The following SLC44A5 variants were observed in gnomAD, a reference collection of about 807,000 sequenced individuals.
SLC44A5 encodes the protein choline transporter-like protein 5.
SLC44A5 carries 57 observed loss-of-function variants against 101.8 expected under a neutral mutation model. That is an observed-to-expected ratio of 0.56 (90% CI 0.45 to 0.70). SLC44A5 has a LOEUF of 0.70. Among genes scored for constraint, SLC44A5 ranks in the 30% least tolerant of loss-of-function variants. The pLI, the probability that SLC44A5 is intolerant of heterozygous loss-of-function variation, is 0.00. For synonymous variants in SLC44A5, 281 were observed against 290.9 expected (o/e 0.97, Z 0.35); for missense variants, 737 against 853.1 (o/e 0.86, Z 1.70).
intron 2 of SLC44A5, among the ~76,000 whole-genome samples, chr1:75,528,757 C>T (rs1253673820): frequency 6.6e-6 from 1 of 152,148 alleles, no homozygotes; most frequent in Non-Finnish European, 1.5e-5. Context: ...ACTTTTCTTT[C>T]TTCATTTCTA....
chr1:75,312,184 G>A (rs1490053661), intron 4 of SLC44A5, among the ~76,000 whole-genome samples: 1 of 152,090 alleles, frequency 6.6e-6, no homozygotes, highest in Non-Finnish European at 1.5e-5. Context: ...TGTAAGATGT[G>A]ACTTACTCCT....
chr1:75,671,644 C>G, the SLC44A5 span, among the ~76,000 whole-genome samples: 1 of 152,132 alleles, frequency 6.6e-6, no homozygotes, highest in Admixed American at 6.6e-5. Flanking sequence ...CTGGATCACT[C>G]GCTTTAAAAA....
the SLC44A5 span, among the ~76,000 whole-genome samples, chr1:75,700,354 A>C: frequency 6.6e-6 from 1 of 151,822 alleles, no homozygotes; most frequent in Non-Finnish European, 1.5e-5. Context: ...TAAGAAACTC[A>C]CTCAAAACCG....
Position 75,327,605 on chromosome 1 carries a change from A to T in SLC44A5, c.101+11977T>A, listed in dbSNP as rs547565465. On this transcript the variant is annotated intron_variant, in intron 4 of 23. Coordinates refer to ENST00000370859, the MANE Select transcript of SLC44A5 (RefSeq NM_001130058.2). ...CCAAAATAGAGAGGCATCTCAAGTA[A>T]CGCTTAGCTGACAGGTGCATACACT... 2.4e-4 allele frequency among the ~76,000 whole-genome samples: 36 copies of T among 152,308 alleles called. No individual in the cohort carries two copies. The South Asian group carries it at 7.5e-3, about 32-fold the overall frequency.
At chr1:75,540,741 G>T (rs749089798) in intron 2 of SLC44A5, among the ~76,000 whole-genome samples, 7 of 151,636 alleles carry the variant, frequency 4.6e-5, no homozygotes, top group African/African-American at 7.3e-5. Context: ...CCTTCACGAA[G>T]GAATACAATT....
rs552674877 is a variant in SLC44A5, at chr1:75,595,590, A to G, written c.-70+15450T>C. On this transcript the variant is annotated intron_variant, in intron 1 of 23. Transcript: ENST00000370859. Reference sequence around the variant, plus strand: ...GCATGATCTGAAAATTCTTACTACTACAGAAAGAAGCAATATCCACTCTGA... The same window carrying G: ...GCATGATCTGAAAATTCTTACTACTGCAGAAAGAAGCAATATCCACTCTGA... Among the ~76,000 whole-genome samples the G allele has an allele frequency of 1.7e-4, 26 of 152,288 alleles. No homozygotes were observed. In the South Asian group the frequency reaches 3.9e-3, roughly 23 times the overall value.
chr1:75,447,659 G>A (rs1665666286), intron 2 of SLC44A5, among the ~76,000 whole-genome samples: 1 of 152,046 alleles, frequency 6.6e-6, no homozygotes, highest in Non-Finnish European at 1.5e-5. Flanking sequence ...ATGATTTCTA[G>A]AGGCTCTCAT....
intron 3 of SLC44A5, among the ~76,000 whole-genome samples, chr1:75,388,895 A>T (rs1030185004): frequency 6.6e-6 from 1 of 152,128 alleles, no homozygotes; most frequent in Non-Finnish European, 1.5e-5. Flanking sequence ...TAAAAAAAAG[A>T]CCCAACCTTT....
chr1:75,573,198 T>C (rs1398366188), intron 1 of SLC44A5, among the ~76,000 whole-genome samples: 6 of 114,438 alleles, frequency 5.2e-5, no homozygotes, highest in Non-Finnish European at 1.1e-4. Flanking sequence ...TAATGATACA[T>C]ATTAATTAGA....
chr1:75,465,247 T>C (rs1264512506), intron 2 of SLC44A5, among the ~76,000 whole-genome samples: 2 of 152,126 alleles, frequency 1.3e-5, no homozygotes, highest in African/African-American at 2.4e-5. Flanking sequence ...TTGGAAACTA[T>C]ACAAATGCAT....
chr1:75,696,330 A>C, the SLC44A5 span, among the ~76,000 whole-genome samples: 2 of 152,322 alleles, frequency 1.3e-5, no homozygotes, highest in African/African-American at 4.8e-5. Flanking sequence ...CCTAAGGAGT[A>C]AGAAAGTACA....
chr1:75,283,373 G>C (rs549428066), intron 5 of SLC44A5, among the ~76,000 whole-genome samples: 1 of 152,142 alleles, frequency 6.6e-6, no homozygotes, highest in South Asian at 2.1e-4. Context: ...TGATTTGTTT[G>C]AGTTTTTTGT....
chr1:75,243,354 C>T (rs909207524), intron 7 of SLC44A5, among the ~76,000 whole-genome samples: 2 of 151,858 alleles, frequency 1.3e-5, no homozygotes, highest in African/African-American at 4.8e-5. Context: ...CCAGGCTGGT[C>T]TCAAACTCCT....
chr1:75,434,972 G>T (rs183621353), intron 2 of SLC44A5, among the ~76,000 whole-genome samples: 35 of 152,180 alleles, frequency 2.3e-4, no homozygotes, highest in African/African-American at 8.2e-4. Flanking sequence ...ATGGATACGT[G>T]TTTCCTTAAC....
At chr1:75,522,183 T>C (rs78047966) in intron 2 of SLC44A5, 1 of 152,166 alleles carries the variant, frequency 6.6e-6, no homozygotes, top group Non-Finnish European at 1.5e-5. Context: ...AGGAGGATGC[T>C]TGTGACTTTA....
At chr1:75,244,160 C>T (rs1648903951) in intron 7 of SLC44A5, among the ~76,000 whole-genome samples, 1 of 151,990 alleles carries the variant, frequency 6.6e-6, no homozygotes. Flanking sequence ...TCAGGTATTC[C>T]TTTTGTAGCA....
chr1:75,490,068 A>G (rs1264641403), intron 2 of SLC44A5, among the ~76,000 whole-genome samples: 1 of 152,112 alleles, frequency 6.6e-6, no homozygotes, highest in Non-Finnish European at 1.5e-5. Flanking sequence ...AAGTTAATAA[A>G]ACATCAGAAA....
At chr1:75,433,659 A>C (rs2101603456) in intron 2 of SLC44A5, among the ~76,000 whole-genome samples, 3 of 152,150 alleles carry the variant, frequency 2.0e-5, no homozygotes, top group Middle Eastern at 6.8e-3. Context: ...TGTCTTTCTA[A>C]ATTCCTTTTG....
intron 6 of SLC44A5, among the ~76,000 whole-genome samples, chr1:75,267,270 G>C (rs527637225): frequency 6.6e-6 from 1 of 152,278 alleles, no homozygotes; most frequent in South Asian, 2.1e-4. Context: ...GTCAATGCTA[G>C]AGGTAAAGTC....
Sources: allele counts gnomAD v4.1 joint callset (sites outside exome capture counted in the v4.1 genomes callset), GRCh38; gene constraint gnomAD v4.1.1; transcripts MANE v1.5; gene names NCBI Gene and HGNC (gene_info 2026-07-23, HGNC 2026-07-21).